CWC25: variants seen among roughly 807,000 people sequenced by gnomAD.
CWC25 encodes CWC25 spliceosome associated protein.
In CWC25, 31 loss-of-function variants were observed where a neutral mutation model predicts 54.6. That is an observed-to-expected ratio of 0.57 (90% confidence interval 0.43 to 0.77). The LOEUF is 0.77. Among genes scored for constraint, CWC25 ranks in the 30% least tolerant of loss-of-function variants. CWC25 has a pLI of 0.00. For synonymous variants in CWC25, 151 were observed against 187.0 expected (o/e 0.81, Z 1.57); for missense variants, 453 against 529.3 (o/e 0.86, Z 1.41).
Position 38,810,555 on chromosome 17 carries a change from TTC to T in CWC25, c.537_538del (p.Lys180GlyfsTer10). On this transcript the variant is annotated frameshift_variant, in exon 5 of 10. Transcript: ENST00000614790. LOFTEE classifies it high-confidence loss of function. ...TTTCTTGTGCTTCTTTTTCTTCTCCTTCTTTTTCTTCTTCTCCTTTTTTTCCA... is the reference window on the plus strand; with the variant it reads ...TTTCTTGTGCTTCTTTTTCTTCTCCTTTTTTCTTCTTCTCCTTTTTTTCCA... 9 of 1,563,738 alleles carry T rather than the reference TTC, an allele frequency of 5.8e-6. No homozygotes were observed. The highest frequency in any genetic ancestry group is 7.8e-6 in the Non-Finnish European group (9 of 1,147,220).
intron 1 of CWC25, among the ~76,000 whole-genome samples, chr17:38,823,901 A>G (rs1191502602): frequency 6.6e-6 from 1 of 152,186 alleles, no homozygotes; most frequent in African/African-American, 2.4e-5. Context: ...AACATTCTAC[A>G]ATGCACAGGA....
intron 8 of CWC25, 48 bp downstream of exon 8, chr17:38,806,249 A>G: frequency 6.7e-7 from 1 of 1,484,352 alleles, no homozygotes; most frequent in Non-Finnish European, 9.3e-7. Context: ...AGCCCCTTCT[A>G]GATTCAGGCC....
intron 7 of CWC25, 182 bp downstream of exon 7, chr17:38,806,583 T>A (rs1009089335): frequency 1.7e-5 from 12 of 723,932 alleles, no homozygotes; most frequent in Non-Finnish European, 2.5e-5. Context: ...CACCTACAGA[T>A]ATGTGGCTTT....
chr17:38,812,323 CTCT>C (rs1567672703), intron 4 of CWC25, among the ~76,000 whole-genome samples: 1 of 152,176 alleles, frequency 6.6e-6, no homozygotes, highest in East Asian at 1.9e-4. Context: ...TTAGCCCACA[CTCT>C]TCTTCTGGAA....
intron 8 of CWC25, among the ~76,000 whole-genome samples, chr17:38,804,691 C>G (rs1911157850): frequency 6.6e-6 from 1 of 151,470 alleles, no homozygotes; most frequent in African/African-American, 2.4e-5. Context: ...GCCTGTAGTC[C>G]CAGCTACTCG....
chr17:38,806,327 T>C lies in CWC25; in HGVS notation c.971A>G (p.Tyr324Cys), dbSNP rs1250251613. ...GTATCCGGGAGCATGTCGCCTTTGG[T>C]AGACCTCTTTTTTAGGTGATGGGCT... ...TRSPSPKKEVYQRRHAPGYTR... is the reference protein window; with the variant it reads ...TRSPSPKKEVCQRRHAPGYTR... The change falls in exon 8 of 10, where the codon TAC (tyrosine) becomes TGC (cysteine). Residue 324 changes from tyrosine to cysteine, a missense_variant. By Grantham distance (194) the Tyr-to-Cys change is radical. Around this residue, in one of 2 missense-constraint regions of CWC25, gnomAD observed 444 missense variants for 499.2 expected, o/e 0.89. Coordinates refer to ENST00000614790, the MANE Select transcript of CWC25 (RefSeq NM_017748.5). 4 of 1,613,044 alleles carry C rather than the reference T, an allele frequency of 2.5e-6. No homozygotes were observed. The highest frequency in any genetic ancestry group is 3.4e-6 in the Non-Finnish European group (4 of 1,179,626).
chr17:38,820,760 A>G, intron 2 of CWC25, 141 bp downstream of exon 2: 1 of 1,043,790 alleles, frequency 9.6e-7, no homozygotes, highest in Admixed American at 2.6e-5. Context: ...AGTACATGCA[A>G]AGCCAACCTT....
chr17:38,808,836 C>A (rs1911361157), intron 6 of CWC25, among the ~76,000 whole-genome samples: 1 of 151,168 alleles, frequency 6.6e-6, no homozygotes. Flanking sequence ...ATCCCAGCTA[C>A]TCGGGAGGCT....
At chr17:38,812,486 G>A (rs1217945154) in intron 4 of CWC25, among the ~76,000 whole-genome samples, 1 of 152,086 alleles carries the variant, frequency 6.6e-6, no homozygotes, top group Non-Finnish European at 1.5e-5. Context: ...AATTAGCCGG[G>A]CGTGGTGGCA....
rs777841025 is a variant in CWC25 at position 38,806,822 on chromosome 17, C to T, written c.845G>A (p.Arg282Gln). 6.8e-5 allele frequency: 110 copies of T among 1,612,590 alleles called. 1 individual carries two copies. In the Admixed American group the frequency reaches 1.5e-3, roughly 22 times the overall value. Residue 282 changes from arginine (R) to glutamine (Q), a missense_variant, in exon 7 of 10, where the codon CGG (arginine) becomes CAG (glutamine). This residue lies in a region of CWC25 where 444 missense variants were observed against 499.2 expected (regional missense o/e 0.89). Transcript: ENST00000614790. Reference protein sequence around the residue: ...SKKSTREAGSRDRRSRSLGRR... With the variant: ...SKKSTREAGSQDRRSRSLGRR... ...GCCCAGGGATCGAGACCTCCTGTCC[C>T]GGGACCCTGCTTCCCTGGTGCTCTT...
chr17:38,816,568 A>C (rs1911707074), intron 2 of CWC25, among the ~76,000 whole-genome samples: 1 of 151,532 alleles, frequency 6.6e-6, no homozygotes, highest in East Asian at 2.0e-4. Context: ...TGACTTTTTA[A>C]ATGTGTATAC....
rs1274104299 is a variant in CWC25, at chr17:38,808,378, T to C, written c.690+1324A>G. ...GCCTGGGCGACAGAGCGAGACTCCC[T>C]CTCAAAAAAAAAAAAGAAAGAAAAG... On this transcript the variant is annotated intron_variant, in intron 6 of 9. Coordinates refer to ENST00000614790, the MANE Select transcript of CWC25 (RefSeq NM_017748.5). Among the ~76,000 whole-genome samples, 3 of 130,138 alleles carry C rather than the reference T, an allele frequency of 2.3e-5. 1 individual carries two copies. Among genetic ancestry groups the C allele is most frequent in the African/African-American group, 8.4e-5 (3 of 35,638 alleles). 85.4% of individuals were successfully genotyped at this position (130,138 alleles called of 152,430 possible). A position where few individuals can be genotyped will look rare whatever the true frequency, so the allele number is the denominator to read the frequency against.
chr17:38,821,421 G>T (rs189355846), intron 1 of CWC25, among the ~76,000 whole-genome samples: 1 of 152,300 alleles, frequency 6.6e-6, no homozygotes. Context: ...AGCTGGGCGT[G>T]GTGGCAGGTG....
At chr17:38,802,597 G>T (rs934873275) in intron 9 of CWC25, 103 bp downstream of exon 9, 3 of 1,346,570 alleles carry the variant, frequency 2.2e-6, no homozygotes, top group Non-Finnish European at 3.1e-6. Context: ...TGAAGGCTGG[G>T]CTCCATGTGC....
At chr17:38,823,947 G>T (rs1912032525) in intron 1 of CWC25, among the ~76,000 whole-genome samples, 1 of 152,178 alleles carries the variant, frequency 6.6e-6, no homozygotes, top group South Asian at 2.1e-4. Flanking sequence ...CACCCCCAAA[G>T]AATTATCTAG....
Position 38,802,771 on chromosome 17 carries a change from C to CTT in CWC25, c.1090_1091dup (p.His366GlyfsTer12). 2 of 1,614,016 alleles carry CTT rather than the reference C, an allele frequency of 1.2e-6. No homozygotes were observed. The highest frequency in any genetic ancestry group is 1.7e-6 in the Non-Finnish European group (2 of 1,179,896). On this transcript the variant is annotated frameshift_variant, in exon 9 of 10. Transcript: ENST00000614790. LOFTEE classifies it high-confidence loss of function. ...CCCGTTCCTCATCCTTAGCATGCCTCTTGAGGATGTTCAGTCTCTCCTCCT... is the reference window on the plus strand; with the variant it reads ...CCCGTTCCTCATCCTTAGCATGCCTCTTTTGAGGATGTTCAGTCTCTCCTCCT...
intron 3 of CWC25, among the ~76,000 whole-genome samples, chr17:38,813,566 A>G (rs1234898577): frequency 6.6e-6 from 1 of 150,938 alleles, no homozygotes; most frequent in African/African-American, 2.4e-5. Flanking sequence ...AAAAAAAAAA[A>G]AGAGTCATGC....
intron 6 of CWC25, among the ~76,000 whole-genome samples, chr17:38,808,164 C>A (rs1911332454): frequency 7.5e-6 from 1 of 132,698 alleles, no homozygotes; most frequent in Non-Finnish European, 1.6e-5. Flanking sequence ...ACGGGCAGAT[C>A]ACAAGGTCGG....
chr17:38,805,947 G>A (rs1911218570), intron 8 of CWC25, among the ~76,000 whole-genome samples: 1 of 151,892 alleles, frequency 6.6e-6, no homozygotes, highest in Admixed American at 6.6e-5. Context: ...CAAATAACTG[G>A]GATTACAGGC....
Sources: gnomAD v4.1 joint callset for allele counts (sites outside exome capture counted in the v4.1 genomes callset) on GRCh38, gnomAD v4.1.1 for gene constraint, gnomAD v4.1.1 regional missense constraint, MANE v1.5 for transcripts, NCBI Gene and HGNC (gene_info 2026-07-23, HGNC 2026-07-21) for gene names.